Variants in ZNF90 observed in about 807,000 individuals in gnomAD.
ZNF90 encodes the protein zinc finger protein 90, also known as zinc finger protein HTF9.
ZNF90 carries 11 observed loss-of-function variants against 12.0 expected under a neutral mutation model. The ratio of observed to expected loss-of-function variants is 0.92; its 90% confidence interval spans 0.58 to 1.52. The LOEUF is 1.52. ZNF90 is among the 40% of genes most tolerant of loss of function. The pLI is 0.00. For missense variants in ZNF90, 765 were observed against 711.5 expected (o/e 1.08, Z -0.86); for synonymous variants, 232 against 240.1 (o/e 0.97, Z 0.31).
rs569848848 is a variant in ZNF90 at position 20,108,395 on chromosome 19, C to A, written c.226+3079C>A. Among the ~76,000 whole-genome samples, 24 of 152,304 alleles carry A rather than the reference C, an allele frequency of 1.6e-4. 1 individual carries two copies. Among genetic ancestry groups the A allele is most frequent in the Admixed American group, 1.4e-3 (22 of 15,304 alleles). ...TGCAATCCTGGCTCACTGCAACCTT[C>A]ACCTCCTGGGTTCAAGCAATTCTTG... On this transcript the variant is annotated intron_variant, in intron 3 of 3. Coordinates refer to ENST00000418063, the MANE Select transcript of ZNF90 (RefSeq NM_007138.2).
At chr19:20,082,235 T>A (rs1173414281) in intron 1 of ZNF90, among the ~76,000 whole-genome samples, 1 of 152,154 alleles carries the variant, frequency 6.6e-6, no homozygotes, top group African/African-American at 2.4e-5. Context: ...CTCTCCACCC[T>A]CTACTAGGTC....
chr19:20,103,313 A>G (rs1555704072), intron 1 of ZNF90, among the ~76,000 whole-genome samples: 2 of 152,216 alleles, frequency 1.3e-5, no homozygotes, highest in African/African-American at 2.4e-5. Flanking sequence ...ATAGGAGCCT[A>G]GGAGGGCTAG....
intron 3 of ZNF90, among the ~76,000 whole-genome samples, chr19:20,108,731 C>CTTTTTTT (rs10626180): frequency 3.3e-5 from 4 of 119,938 alleles, no homozygotes; most frequent in Middle Eastern, 5.9e-3. Context: ...GTAGGTTTCT[C>CTTTTTTT]TTTTTTTTTT....
chr19:20,117,506 TG>T, intron 3 of ZNF90: 1 of 746,990 alleles, frequency 1.3e-6, no homozygotes, highest in Non-Finnish European at 1.6e-6. Context: ...GGTGTGATCT[TG>T]GGTCACCGCA....
chr19:20,097,533 T>C (rs1050693768), intron 1 of ZNF90, among the ~76,000 whole-genome samples: 2 of 152,238 alleles, frequency 1.3e-5, no homozygotes, highest in Non-Finnish European at 2.9e-5. Context: ...TCAGAGACCA[T>C]GGGGCCCACA....
rs1476465461 is a variant in ZNF90, at chr19:20,104,384, C to T, written c.130+19C>T. ...TTCCTTGGTGAGGATAAGTGGAATA[C>T]ATAATTCATAATATACCCTAAAGGT... On this transcript the variant is annotated intron_variant, in intron 2 of 3. Transcript: ENST00000418063. The T allele has an allele frequency of 2.5e-6, 4 of 1,600,890 alleles. No homozygotes were observed. In the African/African-American group the frequency reaches 4.0e-5, roughly 16 times the overall value.
intron 3 of ZNF90, among the ~76,000 whole-genome samples, chr19:20,107,318 G>A (rs781933761): frequency 3.3e-5 from 5 of 152,148 alleles, no homozygotes. Context: ...AATTCTCAGC[G>A]GGACCAAGTT....
At chr19:20,080,481 G>A (rs2088812127) in intron 1 of ZNF90, 1 of 279,254 alleles carries the variant, frequency 3.6e-6, no homozygotes, top group African/African-American at 2.3e-5. Flanking sequence ...CTTGTGGTAG[G>A]GCTTTCTCTT....
Position 20,118,116 on chromosome 19 carries a change from C to G in ZNF90, c.562C>G (p.Leu188Val), listed in dbSNP as rs782640361. ...CGKAFNQSST[L>V]ATHKKIHTGE... The stretch of plus-strand genomic sequence containing the variant: ...CAAAGCTTTCAACCAGTCCTCAACC[C>G]TTGCTACACATAAGAAAATTCATAC... Residue 188 changes from leucine to valine, a missense_variant, in exon 4 of 4, where the codon CTT becomes GTT. Leu to Val is a conservative substitution (Grantham distance 32). Transcript: ENST00000418063. 45 of 1,613,482 alleles carry G rather than the reference C, an allele frequency of 2.8e-5. No individual in the cohort carries two copies. The South Asian group carries it at 4.7e-4, about 17-fold the overall frequency.
chr19:20,095,060 G>A (rs1181267756), intron 1 of ZNF90, among the ~76,000 whole-genome samples: 1 of 152,026 alleles, frequency 6.6e-6, no homozygotes, highest in East Asian at 1.9e-4. Context: ...AGCAGCCTGG[G>A]GAGGAGGGGA....
chr19:20,108,481 TG>T (rs1448518204), intron 3 of ZNF90, among the ~76,000 whole-genome samples: 2 of 152,084 alleles, frequency 1.3e-5, no homozygotes, highest in Non-Finnish European at 2.9e-5. Context: ...GGCTAATTTT[TG>T]TATTTTTAGT....
At chr19:20,110,020 A>G (rs1449774947) in intron 3 of ZNF90, among the ~76,000 whole-genome samples, 1 of 152,190 alleles carries the variant, frequency 6.6e-6, no homozygotes, top group East Asian at 1.9e-4. Flanking sequence ...TACTTATTTC[A>G]TATAAGTGAA....
intron 3 of ZNF90, among the ~76,000 whole-genome samples, chr19:20,116,452 C>A (rs2122527282): frequency 6.6e-6 from 1 of 152,290 alleles, no homozygotes; most frequent in South Asian, 2.1e-4. Context: ...ACAGGAATGA[C>A]CACCAACCCT....
rs782299242 is a variant in ZNF90, at chr19:20,118,148, G to C, written c.594G>C (p.Glu198Asp). 9 of 1,610,812 alleles carry C rather than the reference G, an allele frequency of 5.6e-6. No individual in the cohort carries two copies. In the South Asian group the frequency reaches 9.9e-5, roughly 18 times the overall value. The change falls in exon 4 of 4, where the codon GAG becomes GAC. Residue 198 changes from glutamate to aspartate, a missense_variant. Glu to Asp is a conservative substitution (Grantham distance 45, BLOSUM62 2). Transcript: ENST00000418063. ...CACATAAGAAAATTCATACTGGAGA[G>C]ATAACCTGCAAATGTGAAGAATGTG... ...LATHKKIHTGEITCKCEECGK... is the reference protein window; with the variant it reads ...LATHKKIHTGDITCKCEECGK...
chr19:20,103,732 C>A (rs1161628472), intron 1 of ZNF90, among the ~76,000 whole-genome samples: 2 of 151,766 alleles, frequency 1.3e-5, no homozygotes, highest in African/African-American at 2.4e-5. Flanking sequence ...GGATGTTTGA[C>A]AAAATATCCT....
intron 1 of ZNF90, among the ~76,000 whole-genome samples, chr19:20,091,244 A>G (rs2088900514): frequency 6.6e-6 from 1 of 152,026 alleles, no homozygotes; most frequent in African/African-American, 2.4e-5. Context: ...ATGTGTAGGG[A>G]AGGGAGGGGG....
At chr19:20,106,680 T>C (rs541680020) in intron 3 of ZNF90, among the ~76,000 whole-genome samples, 32 of 152,320 alleles carry the variant, frequency 2.1e-4, no homozygotes, top group Admixed American at 1.0e-3. Context: ...GTCTCGATCT[T>C]CTGACCTCGT....
intron 3 of ZNF90, chr19:20,107,214 A>G (rs1308872108): frequency 9.3e-6 from 3 of 324,016 alleles, no homozygotes; most frequent in South Asian, 4.9e-5. Context: ...CTGTATAGCT[A>G]TAATTGGGTG....
intron 1 of ZNF90, among the ~76,000 whole-genome samples, chr19:20,090,410 G>A (rs1369538094): frequency 6.6e-6 from 1 of 152,132 alleles, no homozygotes; most frequent in African/African-American, 2.4e-5. Flanking sequence ...AAGTGGGGGA[G>A]AGTACTTGTG....
Sources: allele counts gnomAD v4.1 joint callset (sites outside exome capture counted in the v4.1 genomes callset), GRCh38; gene constraint gnomAD v4.1.1; transcripts MANE v1.5; gene names NCBI Gene and HGNC (gene_info 2026-07-23, HGNC 2026-07-21).